Variants in GPATCH2 observed in about 807,000 individuals in gnomAD.
GPATCH2 encodes the protein G patch domain-containing protein 2.
GPATCH2 carries 51 observed loss-of-function variants against 58.0 expected under a neutral mutation model. The ratio of observed to expected loss-of-function variants is 0.88; its 90% CI spans 0.70 to 1.11. GPATCH2 has a LOEUF of 1.11. GPATCH2 is among the 50% of genes most tolerant of loss of function. The pLI is 0.00. For synonymous variants in GPATCH2, 222 were observed against 218.5 expected, an observed-to-expected ratio of 1.02 and a Z score of -0.14; for missense variants, 625 against 652.2, an observed-to-expected ratio of 0.96 and a Z score of 0.45.
chr1:217,471,263 T>C (rs893856904), intron 8 of GPATCH2, among the ~76,000 whole-genome samples: 3 of 152,160 alleles, frequency 2.0e-5, no homozygotes, highest in African/African-American at 7.2e-5. Context: ...CTTAATTTTG[T>C]TAATACATTT....
chr1:217,531,959 A>G (rs749939326), intron 5 of GPATCH2, among the ~76,000 whole-genome samples: 1 of 152,218 alleles, frequency 6.6e-6, no homozygotes, highest in African/African-American at 2.4e-5. Flanking sequence ...ATTGTTTCAC[A>G]GTATTAACTA....
At chr1:217,478,504 G>C (rs552445362) in intron 8 of GPATCH2, among the ~76,000 whole-genome samples, 15 of 152,132 alleles carry the variant, frequency 9.9e-5, no homozygotes, top group Non-Finnish European at 4.4e-5. Context: ...ACTGAAGAAA[G>C]GATCAGTCTT....
intron 5 of GPATCH2, among the ~76,000 whole-genome samples, chr1:217,556,650 A>G (rs1378672644): frequency 6.6e-6 from 1 of 152,212 alleles, no homozygotes; most frequent in Non-Finnish European, 1.5e-5. Context: ...TTATACTATT[A>G]CAAAGATTGC....
chr1:217,524,642 C>T (rs1285504502), intron 5 of GPATCH2, among the ~76,000 whole-genome samples: 2 of 151,586 alleles, frequency 1.3e-5, no homozygotes, highest in African/African-American at 2.4e-5. Context: ...GCGGATCACT[C>T]GCGGTTAGGA....
chr1:217,455,310 G>C (rs532329895), intron 8 of GPATCH2, among the ~76,000 whole-genome samples: 4 of 152,204 alleles, frequency 2.6e-5, no homozygotes, highest in African/African-American at 7.2e-5. Context: ...GGTGATGGAG[G>C]CTCTTTCTAA....
At chr1:217,606,943 G>A (rs1668386987) in intron 5 of GPATCH2, among the ~76,000 whole-genome samples, 1 of 152,054 alleles carries the variant, frequency 6.6e-6, no homozygotes, top group Admixed American at 6.6e-5. Context: ...CGACACTTAT[G>A]CAAAAGTAAG....
intron 8 of GPATCH2, among the ~76,000 whole-genome samples, chr1:217,463,096 C>T (rs758809152): frequency 1.3e-3 from 197 of 152,170 alleles, no homozygotes; most frequent in Non-Finnish European, 1.9e-3. Flanking sequence ...ATTTTTGAGG[C>T]CCAATCATAA....
intron 6 of GPATCH2, among the ~76,000 whole-genome samples, chr1:217,513,780 T>C (rs1254709250): frequency 1.3e-5 from 2 of 152,104 alleles, no homozygotes; most frequent in Admixed American, 6.6e-5. Context: ...TATTACCAAA[T>C]GCTTGGCAGT....
intron 8 of GPATCH2, among the ~76,000 whole-genome samples, chr1:217,482,591 A>G (rs992890443): frequency 6.6e-6 from 1 of 152,160 alleles, no homozygotes. Context: ...AGATGAGGTC[A>G]GGGAGGAAGC....
chr1:217,518,908 T>G (rs1663312111), intron 5 of GPATCH2, among the ~76,000 whole-genome samples: 2 of 152,206 alleles, frequency 1.3e-5, no homozygotes, highest in Admixed American at 1.3e-4. Context: ...TGAGGACTGG[T>G]CAATCAAACC....
chr1:217,439,336 C>T (rs1393307487), intron 9 of GPATCH2, among the ~76,000 whole-genome samples: 4 of 152,130 alleles, frequency 2.6e-5, no homozygotes, highest in Admixed American at 2.6e-4. Context: ...AAAGACACAA[C>T]GTGCCAGAAT....
At position 217,598,655 on chromosome 1, in the gene GPATCH2, T is replaced by C. The variant is rs552283517; in HGVS notation, c.1098+11666A>G. 2.6e-5 allele frequency among the ~76,000 whole-genome samples: 4 copies of C among 151,934 alleles called. No homozygotes were observed. In the South Asian group the frequency reaches 8.4e-4, roughly 32 times the overall value. On this transcript the variant is annotated intron_variant, in intron 5 of 9. Coordinates refer to ENST00000366935, the MANE Select transcript of GPATCH2 (RefSeq NM_018040.5). The stretch of plus-strand genomic sequence containing the variant: ...TAATTTTTTGTATTTTTAGTAGAGA[T>C]GGGGTTTCACCATGTTGGCCAGGCT...
chr1:217,457,986 G>A (rs1364022056), intron 8 of GPATCH2, among the ~76,000 whole-genome samples: 1 of 152,160 alleles, frequency 6.6e-6, no homozygotes, highest in Non-Finnish European at 1.5e-5. Context: ...CCAGCACTTT[G>A]AGAGGCCGAG....
At chr1:217,481,392 C>T (rs1162692963) in intron 8 of GPATCH2, among the ~76,000 whole-genome samples, 1 of 152,088 alleles carries the variant, frequency 6.6e-6, no homozygotes, top group Non-Finnish European at 1.5e-5. Flanking sequence ...ACTAGAAATA[C>T]AGAGGTCAAC....
At chr1:217,579,593 A>C (rs1421110400) in intron 5 of GPATCH2, among the ~76,000 whole-genome samples, 1 of 152,210 alleles carries the variant, frequency 6.6e-6, no homozygotes, top group Non-Finnish European at 1.5e-5. Context: ...CAGACATAAC[A>C]TTGGGGTTGA....
intron 5 of GPATCH2, among the ~76,000 whole-genome samples, chr1:217,579,064 G>A (rs1423269082): frequency 6.6e-6 from 1 of 152,114 alleles, no homozygotes. Context: ...TTCAACCCTT[G>A]TTAAATATTT....
intron 8 of GPATCH2, among the ~76,000 whole-genome samples, chr1:217,456,376 A>G (rs1173301435): frequency 1.3e-5 from 2 of 152,136 alleles, no homozygotes; most frequent in Non-Finnish European, 2.9e-5. Context: ...GGACCAACAG[A>G]CAAGCCACAC....
intron 5 of GPATCH2, among the ~76,000 whole-genome samples, chr1:217,555,288 T>C (rs1665565179): frequency 6.6e-6 from 1 of 152,212 alleles, no homozygotes; most frequent in African/African-American, 2.4e-5. Flanking sequence ...CCTCAGAGTC[T>C]AATGATGTTC....
intron 5 of GPATCH2, among the ~76,000 whole-genome samples, chr1:217,532,694 G>A (rs1048825704): frequency 1.3e-5 from 2 of 152,040 alleles, no homozygotes; most frequent in Admixed American, 6.6e-5. Context: ...CAAAGGGCAG[G>A]AGGAATGAAA....
Sources: allele counts gnomAD v4.1 joint callset (sites outside exome capture counted in the v4.1 genomes callset), GRCh38; gene constraint gnomAD v4.1.1; transcripts MANE v1.5; gene names NCBI Gene and HGNC (gene_info 2026-07-23, HGNC 2026-07-21).